Variants in NTN1 observed in about 807,000 individuals in gnomAD.
NTN1 encodes the protein netrin 1.
A neutral mutation model predicts 54.2 loss-of-function variants in NTN1; 11 were observed. The observed-to-expected ratio is 0.20, with a 90% CI of 0.13 to 0.34. The LOEUF (loss-of-function observed/expected upper bound fraction) is 0.34, where lower values mean the gene tolerates loss of function less well. Among genes scored for constraint, NTN1 ranks in the 10% least tolerant of loss-of-function variants. The pLI, the probability that NTN1 is intolerant of heterozygous loss-of-function variation, is 1.00. For missense variants in NTN1, 740 were observed against 893.1 expected (o/e 0.83, Z 2.18); for synonymous variants, 371 against 382.0 (o/e 0.97, Z 0.33).
intron 6 of NTN1, among the ~76,000 whole-genome samples, chr17:9,226,163 G>GGGGGGT: frequency 7.0e-6 from 1 of 142,388 alleles, no homozygotes; most frequent in South Asian, 2.5e-4. Flanking sequence ...ATTTGGGGTC[G>GGGGGGT]GGGGGGGGCC....
intron 5 of NTN1, among the ~76,000 whole-genome samples, chr17:9,193,362 G>C (rs1904520327): frequency 6.6e-6 from 1 of 152,142 alleles, no homozygotes; most frequent in African/African-American, 2.4e-5. Flanking sequence ...TCATCACCCA[G>C]ACTTAGGAAT....
At chr17:9,198,034 C>A (rs1904684146) in intron 5 of NTN1, among the ~76,000 whole-genome samples, 1 of 152,204 alleles carries the variant, frequency 6.6e-6, no homozygotes, top group African/African-American at 2.4e-5. Flanking sequence ...GCCAGCCATC[C>A]ACCCAGGTTA....
At chr17:9,191,962 G>A (rs1036255736) in intron 5 of NTN1, among the ~76,000 whole-genome samples, 14 of 147,726 alleles carry the variant, frequency 9.5e-5, no homozygotes, top group Non-Finnish European at 1.3e-4. Context: ...GTGACAGAGC[G>A]AGACCCTGTC....
intron 2 of NTN1, among the ~76,000 whole-genome samples, chr17:9,157,538 C>T (rs1350673681): frequency 6.6e-6 from 1 of 152,258 alleles, no homozygotes; most frequent in Non-Finnish European, 1.5e-5. Flanking sequence ...TCTTGGGCCT[C>T]TTTTCCTACT....
chr17:9,122,038 A>ATTT (rs36009443), intron 2 of NTN1, among the ~76,000 whole-genome samples: 1 of 138,612 alleles, frequency 7.2e-6, no homozygotes, highest in Non-Finnish European at 1.6e-5. Context: ...TCTGAGTTAC[A>ATTT]TTTTTTTTTT....
At chr17:9,090,233 T>A (rs1182199384) in intron 2 of NTN1, among the ~76,000 whole-genome samples, 1 of 151,470 alleles carries the variant, frequency 6.6e-6, no homozygotes, top group African/African-American at 2.4e-5. Context: ...TGGAGTGCAG[T>A]GGCATGATCT....
At chr17:9,072,887 C>T (rs2092036879) in intron 2 of NTN1, among the ~76,000 whole-genome samples, 1 of 152,212 alleles carries the variant, frequency 6.6e-6, no homozygotes, top group Non-Finnish European at 1.5e-5. Context: ...TTTCTTTTTC[C>T]TCTCATTTCT....
intron 2 of NTN1, among the ~76,000 whole-genome samples, chr17:9,110,558 C>G (rs949913073): frequency 2.6e-5 from 4 of 152,168 alleles, no homozygotes; most frequent in African/African-American, 9.7e-5. Flanking sequence ...CAGGCCTGAG[C>G]CACCGCACCC....
intron 2 of NTN1, among the ~76,000 whole-genome samples, chr17:9,027,104 A>G (rs538260652): frequency 6.6e-6 from 1 of 152,218 alleles, no homozygotes. Context: ...GAGGGAGGTT[A>G]TATTGGAGGT....
chr17:9,166,420 C>CA (rs2092373606), intron 3 of NTN1, among the ~76,000 whole-genome samples: 1 of 147,664 alleles, frequency 6.8e-6, no homozygotes, highest in Non-Finnish European at 1.5e-5. Context: ...CGGCTCACTG[C>CA]AACCTCTGCC....
In NTN1 at chr17:9,179,730, C is replaced by G. The variant is rs2092412543; in HGVS notation, c.1208-77C>G. ...CAGGGCAGGGTCCATGGAGGCAGCCCTGGGTAGGGAAGGCTCTGCGGGGAT... is the reference window on the plus strand; with the variant it reads ...CAGGGCAGGGTCCATGGAGGCAGCCGTGGGTAGGGAAGGCTCTGCGGGGAT... On this transcript the variant is annotated intron_variant, in intron 3 of 6. Transcript: ENST00000173229. 5 of 1,533,898 alleles carry G rather than the reference C, an allele frequency of 3.3e-6. No individual in the cohort carries two copies. The African/African-American group carries it at 5.5e-5, about 17-fold the overall frequency.
At position 9,243,515 on chromosome 17, in the gene NTN1, G is replaced by A. The variant is rs1267605644; in HGVS notation, c.*3547G>A. 1.3e-5 allele frequency: 2 copies of A among 152,254 alleles called. No individual in the cohort carries two copies. The highest frequency in any genetic ancestry group is 2.9e-5 in the Non-Finnish European group (2 of 68,076). 9.4% of individuals were successfully genotyped at this position (152,254 alleles called of 1,614,324 possible). The stretch of plus-strand genomic sequence containing the variant: ...GTCCCCTTGAAGCCCAGAGTGGACA[G>A]ACTAGACCCATTGATGGGGCCACTG... On this transcript the variant is annotated 3_prime_UTR_variant, in exon 7 of 7. Coordinates refer to ENST00000173229, the MANE Select transcript of NTN1 (RefSeq NM_004822.3).
chr17:9,240,710 AGCCCCTGCTGCTGCCTGTCTCTGCCCCT>A lies in NTN1; in HGVS notation c.*751_*778del, dbSNP rs1424304108. ...GTTCACCTGTGGAGAGAGGAGAGGA[AGCCCCTGCTGCTGCCTGTCTCTGCCCCT>A]GCCCCTGCCCCTGCCCAGCGTGGGG... is the stretch of plus-strand genomic sequence containing the variant. On this transcript the variant is annotated 3_prime_UTR_variant, in exon 7 of 7. Coordinates refer to ENST00000173229, the MANE Select transcript of NTN1 (RefSeq NM_004822.3). 1 of 152,050 alleles carries A rather than the reference AGCCCCTGCTGCTGCCTGTCTCTGCCCCT, an allele frequency of 6.6e-6. No individual in the cohort carries two copies. The allele number at this position is 152,050 out of a possible 1,614,324, so 9.4% of individuals were successfully genotyped here.
At chr17:9,075,456 G>A (rs1260889943) in intron 2 of NTN1, among the ~76,000 whole-genome samples, 2 of 152,074 alleles carry the variant, frequency 1.3e-5, no homozygotes, top group Non-Finnish European at 2.9e-5. Flanking sequence ...CACTCCAGCT[G>A]GGTGACAGAG....
chr17:9,188,002 G>A (rs1385939601), intron 5 of NTN1, among the ~76,000 whole-genome samples: 1 of 152,224 alleles, frequency 6.6e-6, no homozygotes, highest in Admixed American at 6.5e-5. Flanking sequence ...GAGGTTGCTA[G>A]GGGCCGGGCA....
At chr17:9,187,846 T>C (rs1296111997) in intron 5 of NTN1, among the ~76,000 whole-genome samples, 1 of 149,862 alleles carries the variant, frequency 6.7e-6, no homozygotes, top group Non-Finnish European at 1.5e-5. Flanking sequence ...AAAAAAGAAA[T>C]GAAGTTCTGA....
chr17:9,119,520 A>G (rs923112282), intron 2 of NTN1, among the ~76,000 whole-genome samples: 4 of 146,508 alleles, frequency 2.7e-5, no homozygotes, highest in Non-Finnish European at 6.1e-5. Context: ...TTTATTTATT[A>G]GAAACAAGGT....
intron 2 of NTN1, among the ~76,000 whole-genome samples, chr17:9,027,031 G>A (rs2091873654): frequency 6.6e-6 from 1 of 152,050 alleles, no homozygotes; most frequent in African/African-American, 2.4e-5. Flanking sequence ...GGGGGTCGGG[G>A]GATGTCCTCA....
At position 9,059,774 on chromosome 17, in the gene NTN1, G is replaced by A. The variant is rs567848778; in HGVS notation, c.1018+36383G>A. 4.6e-5 allele frequency among the ~76,000 whole-genome samples: 7 copies of A among 151,232 alleles called. No individual in the cohort carries two copies. The East Asian group carries it at 9.8e-4, about 21-fold the overall frequency. On this transcript the variant is annotated intron_variant, in intron 2 of 6. Transcript: ENST00000173229. ...CTTTGGGAATGTACTAAATGCCACC[G>A]GATTGTCTATTTTAAATGACTCATT...
Sources: gnomAD v4.1 joint callset for allele counts (sites outside exome capture counted in the v4.1 genomes callset) on GRCh38, gnomAD v4.1.1 for gene constraint, MANE v1.5 for transcripts, NCBI Gene and HGNC (gene_info 2026-07-23, HGNC 2026-07-21) for gene names.